The following GRM7 variants were observed in gnomAD, a reference collection of about 807,000 sequenced individuals.
GRM7 encodes metabotropic glutamate receptor 7.
In GRM7, 35 loss-of-function variants were observed where a neutral mutation model predicts 84.5. The ratio of observed to expected loss-of-function variants is 0.41; its 90% CI spans 0.32 to 0.55. GRM7 has a LOEUF of 0.55. Ranked by LOEUF, GRM7 falls within the 20% of genes least tolerant of loss-of-function variation. The probability of loss-of-function intolerance (pLI) is 0.19; values close to 1 mark genes in which losing one functional copy is unlikely to be tolerated. For missense variants in GRM7, 1,003 were observed against 1,194.6 expected (o/e 0.84, Z 2.36); for synonymous variants, 487 against 455.1 (o/e 1.07, Z -0.89).
chr3:7,496,821 CCACA>C (rs1428986353), intron 7 of GRM7, among the ~76,000 whole-genome samples: 1 of 151,050 alleles, frequency 6.6e-6, no homozygotes, highest in Non-Finnish European at 1.5e-5. Context: ...GTGATTATAC[CCACA>C]CACACTCAGA....
intron 2 of GRM7, among the ~76,000 whole-genome samples, chr3:7,230,462 G>A (rs1339109325): frequency 6.6e-6 from 1 of 152,152 alleles, no homozygotes; most frequent in African/African-American, 2.4e-5. Flanking sequence ...ATCTGATTAG[G>A]AATACGCCCA....
intron 4 of GRM7, among the ~76,000 whole-genome samples, chr3:7,388,353 G>A (rs1252923423): frequency 6.6e-6 from 1 of 151,938 alleles, no homozygotes; most frequent in Admixed American, 6.6e-5. Flanking sequence ...CTAGTATTTT[G>A]TTAAGGATTT....
chr3:7,001,681 C>T (rs565529814), intron 1 of GRM7, among the ~76,000 whole-genome samples: 65 of 140,134 alleles, frequency 4.6e-4, no homozygotes, highest in African/African-American at 1.7e-3. Context: ...GAATTAAGGA[C>T]GTTGAAATTA....
rs540398502 is a variant in GRM7 at position 7,356,681 on chromosome 3, C to T, written c.1033+50029C>T. Among the ~76,000 whole-genome samples, 5 of 152,198 alleles carry T rather than the reference C, an allele frequency of 3.3e-5. No individual in the cohort carries two copies. In the East Asian group the frequency reaches 9.7e-4, roughly 29 times the overall value. On this transcript the variant is annotated intron_variant, in intron 4 of 9. Transcript: ENST00000357716. ...CACTCAGCTTCTTTCCCCAGCCATC[C>T]ATGTTATCAGAGTCTTTGATGTTGT... is the stretch of plus-strand genomic sequence containing the variant.
chr3:7,555,345 A>G (rs1693706661), intron 7 of GRM7, among the ~76,000 whole-genome samples: 3 of 152,164 alleles, frequency 2.0e-5, no homozygotes, highest in African/African-American at 7.2e-5. Context: ...AGCCATCTCA[A>G]TGTAAAATTT....
intron 1 of GRM7, among the ~76,000 whole-genome samples, chr3:7,078,910 T>C (rs1286917713): frequency 6.6e-6 from 1 of 151,538 alleles, no homozygotes; most frequent in Non-Finnish European, 1.5e-5. Context: ...GATATTAGAA[T>C]GAGGTAGGGA....
chr3:7,678,393 A>G (rs1700223000), intron 8 of GRM7, among the ~76,000 whole-genome samples: 1 of 152,164 alleles, frequency 6.6e-6, no homozygotes, highest in Non-Finnish European at 1.5e-5. Flanking sequence ...GTTTGTTGAC[A>G]TCCTTTTCCT....
chr3:7,414,949 T>G, intron 4 of GRM7, 74 bp from the exon 5 acceptor site: 1 of 1,250,034 alleles, frequency 8.0e-7, no homozygotes, highest in South Asian at 1.6e-5. Flanking sequence ...AAAAAAAAAG[T>G]CACTTTTATT....
In GRM7 at chr3:6,862,635, G is replaced by T; in HGVS notation, c.519+728G>T. 1 of 212,562 alleles carries T rather than the reference G, an allele frequency of 4.7e-6. No homozygotes were observed. The highest frequency in any genetic ancestry group is 2.0e-3 in the Middle Eastern group (1 of 500). The allele number at this position is 212,562 out of a possible 1,614,324, so 13.2% of individuals were successfully genotyped here. A position where few individuals can be genotyped will look rare whatever the true frequency, so the allele number is the denominator to read the frequency against. On this transcript the variant is annotated intron_variant, in intron 1 of 9. Coordinates refer to ENST00000357716, the MANE Select transcript of GRM7 (RefSeq NM_000844.4). The surrounding 1 kb of genome is among the most constrained non-coding windows in gnomAD (Gnocchi z 5.2). ...ATCCGGCCACTGGCCGGAGCTGGGCGATCAGCTTTCCACTCCTGCCACTTC... is the reference window on the plus strand; with the variant it reads ...ATCCGGCCACTGGCCGGAGCTGGGCTATCAGCTTTCCACTCCTGCCACTTC...
intron 1 of GRM7, among the ~76,000 whole-genome samples, chr3:6,952,232 C>G (rs550144076): frequency 6.6e-6 from 1 of 152,178 alleles, no homozygotes; most frequent in South Asian, 2.1e-4. Context: ...ACAACCTAGG[C>G]CAGACCCTTC....
intron 4 of GRM7, 85 bp from the exon 5 acceptor site, chr3:7,414,937 AG>A: frequency 1.8e-6 from 2 of 1,129,396 alleles, no homozygotes; most frequent in Non-Finnish European, 2.5e-6. Flanking sequence ...ACTGAAACAA[AG>A]AAAAAAAAAG....
intron 1 of GRM7, chr3:6,956,709 T>A: frequency 2.2e-6 from 1 of 452,920 alleles, no homozygotes; most frequent in Admixed American, 2.4e-5. Flanking sequence ...TGAAAAAAGG[T>A]TTATATCTCA....
chr3:6,945,585 G>C (rs1453353870), intron 1 of GRM7, among the ~76,000 whole-genome samples: 1 of 151,984 alleles, frequency 6.6e-6, no homozygotes, highest in Non-Finnish European at 1.5e-5. Flanking sequence ...CCCAGTAATG[G>C]GATGGCTGGG....
intron 8 of GRM7, among the ~76,000 whole-genome samples, chr3:7,679,523 A>G (rs1465602833): frequency 6.6e-6 from 1 of 152,224 alleles, no homozygotes; most frequent in East Asian, 1.9e-4. Context: ...CTTAGTTTTC[A>G]GAGAAAGTCA....
At chr3:7,055,394 C>A (rs920587775) in intron 1 of GRM7, among the ~76,000 whole-genome samples, 1 of 151,164 alleles carries the variant, frequency 6.6e-6, no homozygotes, top group Non-Finnish European at 1.5e-5. Flanking sequence ...GGTGGAGAAC[C>A]GTTTTGTTGG....
chr3:7,411,555 G>A (rs558562376), intron 4 of GRM7, among the ~76,000 whole-genome samples: 1 of 152,210 alleles, frequency 6.6e-6, no homozygotes, highest in African/African-American at 2.4e-5. Context: ...ACATATGACT[G>A]CCTCATTAAA....
chr3:6,935,857 G>T (rs1214376571), intron 1 of GRM7, among the ~76,000 whole-genome samples: 2 of 151,832 alleles, frequency 1.3e-5, no homozygotes, highest in Non-Finnish European at 2.9e-5. Context: ...CAACACGCAC[G>T]GCTAATTTTT....
At chr3:7,567,051 A>G (rs1694315021) in intron 7 of GRM7, among the ~76,000 whole-genome samples, 1 of 152,200 alleles carries the variant, frequency 6.6e-6, no homozygotes, top group Non-Finnish European at 1.5e-5. Context: ...TTCTTGATGT[A>G]TAATTTAACA....
chr3:7,692,718 A>G (rs1700854490), intron 9 of GRM7, among the ~76,000 whole-genome samples: 1 of 152,206 alleles, frequency 6.6e-6, no homozygotes, highest in Non-Finnish European at 1.5e-5. Flanking sequence ...AGTAACACAC[A>G]CCAATGAGTG....
Sources: allele counts gnomAD v4.1 joint callset (sites outside exome capture counted in the v4.1 genomes callset), GRCh38; gene constraint gnomAD v4.1.1; non-coding constraint Gnocchi (gnomAD v3.1); transcripts MANE v1.5; gene names NCBI Gene and HGNC (gene_info 2026-07-23, HGNC 2026-07-21).